The following TMEM132A variants were observed in gnomAD, a reference collection of about 807,000 sequenced individuals.
The protein encoded by TMEM132A is GRP78-binding protein.
In TMEM132A, 48 loss-of-function variants were observed where a neutral mutation model predicts 69.9. That is an observed-to-expected ratio of 0.69 (90% CI 0.55 to 0.87). TMEM132A has a LOEUF of 0.87. Among genes scored for constraint, TMEM132A ranks in the 40% least tolerant of loss-of-function variants. The pLI is 0.00. For missense variants in TMEM132A, 1,287 were observed against 1,407.2 expected (o/e 0.91, Z 1.37); for synonymous variants, 577 against 613.7 (o/e 0.94, Z 0.88).
intron 1 of TMEM132A, chr11:60,925,741 TAG>T (rs1388119047): frequency 6.6e-6 from 1 of 152,304 alleles, no homozygotes; most frequent in Non-Finnish European, 1.5e-5. Context: ...GGAGTCCTAA[TAG>T]AGAGAGGAGG....
rs773330449 is a variant in TMEM132A, at chr11:60,933,637, C to T, written c.1452C>T (p.Ala484=). The part of the protein sequence containing the change: ...RVDFWWRRLR[A]SLRLTVWAPL... Reference sequence around the variant, plus strand: ...ACTTCTGGTGGCGCCGGCTCCGCGCCTCGCTGCGGCTGACCGTGTGGGCCC... The same window carrying T: ...ACTTCTGGTGGCGCCGGCTCCGCGCTTCGCTGCGGCTGACCGTGTGGGCCC... Residue 484 remains alanine, a synonymous_variant, in exon 8 of 11, where the codon GCC becomes GCT. Coordinates refer to ENST00000453848, the MANE Select transcript of TMEM132A (RefSeq NM_178031.3). 1 of 1,605,482 alleles carries T rather than the reference C, an allele frequency of 6.2e-7. No individual in the cohort carries two copies. Among genetic ancestry groups the T allele is most frequent in the South Asian group, 1.1e-5 (1 of 90,738 alleles).
chr11:60,931,580 C>A, intron 5 of TMEM132A, 109 bp from the exon 6 acceptor site: 1 of 1,121,450 alleles, frequency 8.9e-7, no homozygotes, highest in Non-Finnish European at 1.3e-6. Flanking sequence ...AACCTCTGTG[C>A]CTCAGTTTCC....
In TMEM132A at chr11:60,935,451, T is replaced by C. The variant is rs1189806773; in HGVS notation, c.2028+8T>C. 5.0e-6 allele frequency: 8 copies of C among 1,593,370 alleles called. No individual in the cohort carries two copies. The highest frequency in any genetic ancestry group is 4.6e-5 in the South Asian group (4 of 87,874). On this transcript the variant is annotated splice_region_variant and intron_variant, in intron 10 of 10. Coordinates refer to ENST00000453848, the MANE Select transcript of TMEM132A (RefSeq NM_178031.3). The surrounding 1 kb of genome is among the most constrained non-coding windows in gnomAD (Gnocchi z 5.0). ...CTTCCCGCCCCAAAGCAGGTGACAG[T>C]TGGGGGGTCAGGGGGATGAGGTCAA...
chr11:60,936,944 AACGAG>A lies in TMEM132A; in HGVS notation c.*38_*42del. The A allele has an allele frequency of 6.7e-7, 1 of 1,491,270 alleles. No homozygotes were observed. The highest frequency in any genetic ancestry group is 8.9e-7 in the Non-Finnish European group (1 of 1,118,002). The allele number at this position is 1,491,270 out of a possible 1,614,324, so 92.4% of individuals were successfully genotyped here. Reference sequence around the variant, plus strand: ...CACCTGGTCAGCCACCAGCTGGGGCAACGAGGGTGGAGGTCCCACTGAGCCTCTCG... The same window carrying A: ...CACCTGGTCAGCCACCAGCTGGGGCAGGTGGAGGTCCCACTGAGCCTCTCG... On this transcript the variant is annotated 3_prime_UTR_variant, in exon 11 of 11. Coordinates refer to ENST00000453848, the MANE Select transcript of TMEM132A (RefSeq NM_178031.3).
At chr11:60,929,031 C>A in intron 4 of TMEM132A, 71 bp downstream of exon 4, 1 of 1,491,580 alleles carries the variant, frequency 6.7e-7, no homozygotes, top group Non-Finnish European at 9.2e-7. Context: ...GGTACCTGCT[C>A]CTCCTGGGGT....
chr11:60,927,520 A>G, intron 2 of TMEM132A, 102 bp downstream of exon 2: 2 of 1,413,580 alleles, frequency 1.4e-6, no homozygotes, highest in Admixed American at 2.0e-5. Flanking sequence ...TGTGCTCCCC[A>G]TATTCCAGAG....
intron 7 of TMEM132A, 163 bp downstream of exon 7, chr11:60,932,290 C>A: frequency 1.2e-6 from 1 of 819,926 alleles, no homozygotes; most frequent in Non-Finnish European, 1.8e-6. Context: ...TTTGTTCCAG[C>A]CACCTCTCTC....
rs558973887 is a variant in TMEM132A, at chr11:60,937,144, C to A, written c.*237C>A. On this transcript the variant is annotated 3_prime_UTR_variant, in exon 11 of 11. Transcript: ENST00000453848. ...ACCATTTCATTCTAACAGAATAAACCGAGAAGGAAACCAGAGCTGGGACTG... is the reference window on the plus strand; with the variant it reads ...ACCATTTCATTCTAACAGAATAAACAGAGAAGGAAACCAGAGCTGGGACTG... 1 of 1,545,632 alleles carries A rather than the reference C, an allele frequency of 6.5e-7. No individual in the cohort carries two copies. The highest frequency in any genetic ancestry group is 8.7e-7 in the Non-Finnish European group (1 of 1,145,660).
In TMEM132A at chr11:60,936,643, G is replaced by A. The variant is rs761752649; in HGVS notation, c.2808G>A (p.Leu936=). Residue 936 remains leucine, a synonymous_variant, in exon 11 of 11, where the codon CTG becomes CTA. Coordinates refer to ENST00000453848, the MANE Select transcript of TMEM132A (RefSeq NM_178031.3). ...GGGGAGGAGGGGAGGCCCCTACCCTGGCCCCTGGCCCTCCTGGGGGCACCA... is the reference window on the plus strand; with the variant it reads ...GGGGAGGAGGGGAGGCCCCTACCCTAGCCCCTGGCCCTCCTGGGGGCACCA... ...ESGGGGEAPT[L]APGPPGGTTS... is the part of the protein sequence containing the mutation. 1 of 1,555,962 alleles carries A rather than the reference G, an allele frequency of 6.4e-7. No homozygotes were observed. The highest frequency in any genetic ancestry group is 1.9e-5 in the Admixed American group (1 of 52,500).
chr11:60,935,668 A>G lies in TMEM132A; in HGVS notation c.2029-196A>G, dbSNP rs1319789234. The stretch of plus-strand genomic sequence containing the variant: ...ATGGCTCTAACTGAGGACCCTCCCA[A>G]TAACTCAGACCCTAGGGCTGAGTGG... On this transcript the variant is annotated intron_variant, in intron 10 of 10. Transcript: ENST00000453848. This position sits in a 1 kb window ranked among gnomAD's most constrained non-coding sequence, Gnocchi z 5.0. The G allele has an allele frequency of 1.0e-5, 8 of 788,146 alleles. No homozygotes were observed. In the East Asian group the frequency reaches 1.1e-4, roughly 11 times the overall value. The allele number at this position is 788,146 out of a possible 1,614,324, so 48.8% of individuals were successfully genotyped here.
intron 4 of TMEM132A, among the ~76,000 whole-genome samples, chr11:60,930,254 C>CT: frequency 6.6e-6 from 1 of 152,254 alleles, no homozygotes; most frequent in African/African-American, 2.4e-5. Context: ...GGACCAGACC[C>CT]TGGAGGGCCC....
rs150311425 is a variant in TMEM132A at position 60,934,720 on chromosome 11, G to A, written c.1792G>A (p.Gly598Ser). The A allele has an allele frequency of 5.5e-5, 88 of 1,606,774 alleles. No individual in the cohort carries two copies. The highest frequency in any genetic ancestry group is 7.1e-5 in the Non-Finnish European group (84 of 1,178,304). Residue 598 changes from glycine (G) to serine (S), a missense_variant, in exon 9 of 11, where the codon GGC becomes AGC. Gly to Ser is a moderately conservative substitution (Grantham distance 56). Coordinates refer to ENST00000453848, the MANE Select transcript of TMEM132A (RefSeq NM_178031.3). ...LDSRVASLEGGRVVVGREPGV... is the reference protein window; with the variant it reads ...LDSRVASLEGSRVVVGREPGV... The stretch of plus-strand genomic sequence containing the variant: ...CTCGCGTGTAGCCTCTCTGGAGGGT[G>A]GCCGTGTCGTGGTGGGCCGGGAGCC...
chr11:60,924,755 G>C, intron 1 of TMEM132A, 22 bp downstream of exon 1: 1 of 1,491,712 alleles, frequency 6.7e-7, no homozygotes, highest in Non-Finnish European at 8.9e-7. Flanking sequence ...GGGAGGGCCG[G>C]GGCGAGGGGC....
Position 60,927,704 on chromosome 11 carries a change from T to G in TMEM132A, c.379T>G (p.Ser127Ala). ...RPVPWDVRAVSVEAAVTPAEP... is the reference protein window; with the variant it reads ...RPVPWDVRAVAVEAAVTPAEP... ...AGTCCCATGGGACGTGCGGGCCGTTTCAGTGGAAGCGGCTGTGACTCCAGC... is the reference window on the plus strand; with the variant it reads ...AGTCCCATGGGACGTGCGGGCCGTTGCAGTGGAAGCGGCTGTGACTCCAGC... Residue 127 changes from serine to alanine, a missense_variant, in exon 3 of 11, where the codon TCA becomes GCA. Ser to Ala is a moderately conservative substitution (Grantham distance 99, BLOSUM62 1). Transcript: ENST00000453848. The G allele has an allele frequency of 6.2e-7, 1 of 1,613,730 alleles. No individual in the cohort carries two copies. The highest frequency in any genetic ancestry group is 8.5e-7 in the Non-Finnish European group (1 of 1,180,030).
intron 1 of TMEM132A, among the ~76,000 whole-genome samples, 160 bp downstream of exon 1, chr11:60,924,893 C>T (rs1351748115): frequency 6.6e-6 from 1 of 152,072 alleles, no homozygotes; most frequent in Admixed American, 6.5e-5. Context: ...CCTCGGGAAC[C>T]TGCCCCCAGC....
chr11:60,934,042 G>A (rs1856538549), intron 8 of TMEM132A: 1 of 474,550 alleles, frequency 2.1e-6, no homozygotes, highest in East Asian at 3.6e-5. Context: ...CTCCTCCCCC[G>A]AGAATGTCAG....
chr11:60,931,331 G>C (rs1324049027), intron 5 of TMEM132A, among the ~76,000 whole-genome samples: 1 of 152,234 alleles, frequency 6.6e-6, no homozygotes, highest in Non-Finnish European at 1.5e-5. Flanking sequence ...TCTGGTCCTG[G>C]GACCTGGAAG....
Position 60,935,966 on chromosome 11 carries a change from C to T in TMEM132A, c.2131C>T (p.Pro711Ser). Residue 711 changes from proline to serine, a missense_variant, in exon 11 of 11, where the codon CCT (proline) becomes TCT (serine). Transcript: ENST00000453848. This position sits in a 1 kb window ranked among gnomAD's most constrained non-coding sequence, Gnocchi z 5.0. ...GGGACTGTCCGTCTCAGCCGAGGAGCCTGGTGCCATCCTGCCAGCTGAGGA... is the reference window on the plus strand; with the variant it reads ...GGGACTGTCCGTCTCAGCCGAGGAGTCTGGTGCCATCCTGCCAGCTGAGGA... The part of the protein sequence containing the change: ...DLGLSVSAEE[P>S]GAILPAEEQG... 1 of 1,611,398 alleles carries T rather than the reference C, an allele frequency of 6.2e-7. No homozygotes were observed.
In TMEM132A at chr11:60,935,576, T is replaced by C. The variant is rs1405192583; in HGVS notation, c.2028+133T>C. The C allele has an allele frequency of 6.1e-6, 6 of 987,284 alleles. No homozygotes were observed. The highest frequency in any genetic ancestry group is 3.3e-5 in the African/African-American group (2 of 61,040). 61.2% of individuals were successfully genotyped at this position (987,284 alleles called of 1,614,324 possible). Reference sequence around the variant, plus strand: ...CAGAGTGAGGACTGACTCTGTGAGGTAGTGAGCTCTCTGCAGCTGGAGGTG... The same window carrying C: ...CAGAGTGAGGACTGACTCTGTGAGGCAGTGAGCTCTCTGCAGCTGGAGGTG... On this transcript the variant is annotated intron_variant, in intron 10 of 10. Transcript: ENST00000453848. The surrounding 1 kb of genome is among the most constrained non-coding windows in gnomAD (Gnocchi z 5.0).
Sources: allele counts gnomAD v4.1 joint callset (sites outside exome capture counted in the v4.1 genomes callset), GRCh38; gene constraint gnomAD v4.1.1; non-coding constraint Gnocchi (gnomAD v3.1); transcripts MANE v1.5; gene names NCBI Gene and HGNC (gene_info 2026-07-23, HGNC 2026-07-21).